Variants in KATNAL2 observed in about 807,000 individuals in gnomAD.
KATNAL2 encodes katanin catalytic subunit A1 like 2.
Under a neutral mutation model 76.3 loss-of-function variants are expected in KATNAL2, and 52 were observed. The ratio of observed to expected loss-of-function variants is 0.68; its 90% CI spans 0.55 to 0.86. The LOEUF is 0.86. KATNAL2 is among the 40% of genes least tolerant of loss of function. KATNAL2 has a pLI of 0.00. For missense variants in KATNAL2, 660 were observed against 668.9 expected, an observed-to-expected ratio of 0.99 and a Z score of 0.15; for synonymous variants, 243 against 244.2, an observed-to-expected ratio of 1.00 and a Z score of 0.05.
intron 3 of KATNAL2, chr18:46,969,815 CGCGTT>C: frequency 4.2e-6 from 1 of 238,486 alleles, no homozygotes; most frequent in East Asian, 6.1e-5. Flanking sequence ...GGGAGCGGTG[CGCGTT>C]GGAGGGTCCC....
intron 1 of KATNAL2, among the ~76,000 whole-genome samples, chr18:46,938,359 G>T (rs962406308): frequency 8.5e-5 from 13 of 152,064 alleles, no homozygotes; most frequent in Non-Finnish European, 1.8e-4. Context: ...ATGGGAATAG[G>T]ATCTGTAAAG....
Position 46,949,851 on chromosome 18 carries a change from A to C in KATNAL2, c.51+2928A>C, listed in dbSNP as rs991951020. Among the ~76,000 whole-genome samples the C allele has an allele frequency of 1.3e-5, 2 of 152,220 alleles. 1 individual carries two copies. The highest frequency in any genetic ancestry group is 1.3e-4 in the Admixed American group (2 of 15,276). On this transcript the variant is annotated intron_variant, in intron 3 of 17. Transcript: ENST00000683218. The stretch of plus-strand genomic sequence containing the variant: ...CCACATTAATAGCATCTTAGCTATT[A>C]CCCCTTGGTTTTTGCCTCTCTTCAG...
At chr18:47,059,742 C>G (rs1462874983) in intron 8 of KATNAL2, 88 bp downstream of exon 8, 3 of 985,192 alleles carry the variant, frequency 3.0e-6, no homozygotes, top group Non-Finnish European at 4.8e-6. Context: ...TTTTGTCAAA[C>G]AGGAAAGTTA....
At chr18:46,965,518 A>G (rs374040027) in intron 3 of KATNAL2, among the ~76,000 whole-genome samples, 12,792 of 112,062 alleles carry the variant, frequency 0.11, no homozygotes, top group Non-Finnish European at 0.18. Context: ...TCTGCTAGCG[A>G]GCAGATGTGA....
At chr18:46,942,738 C>A (rs1004666369) in intron 1 of KATNAL2, among the ~76,000 whole-genome samples, 4 of 152,034 alleles carry the variant, frequency 2.6e-5, no homozygotes, top group African/African-American at 9.7e-5. Flanking sequence ...AAGTCCTTGT[C>A]TGCTATTCTA....
intron 3 of KATNAL2, chr18:47,033,815 T>C: frequency 6.2e-7 from 1 of 1,614,032 alleles, no homozygotes; most frequent in Non-Finnish European, 8.5e-7. Flanking sequence ...GCCTGGGAGG[T>C]CATGGAGTCA....
rs748085371 is a variant in KATNAL2 at position 47,075,334 on chromosome 18, G to A, written c.1066G>A (p.Glu356Lys). Residue 356 changes from glutamate to lysine, a missense_variant, in exon 14 of 18, where the codon GAG (glutamate) becomes AAG (lysine). Glu to Lys is a moderately conservative substitution (Grantham distance 56, BLOSUM62 1). Coordinates refer to ENST00000683218, the MANE Select transcript of KATNAL2 (RefSeq NM_001387690.1). ...ATCCACGATCTTCCTGGACGAGCTGGAGTCGGTGATGAGTCAGAGAGGCAC... is the reference window on the plus strand; with the variant it reads ...ATCCACGATCTTCCTGGACGAGCTGAAGTCGGTGATGAGTCAGAGAGGCAC... ...APSTIFLDEL[E>K]SVMSQRGTAS... 4.5e-6 allele frequency: 7 copies of A among 1,557,506 alleles called. No homozygotes were observed. Among genetic ancestry groups the A allele is most frequent in the Admixed American group, 2.0e-5 (1 of 49,406 alleles).
At chr18:46,927,517 AT>A (rs1202073165) in intron 1 of KATNAL2, among the ~76,000 whole-genome samples, 1 of 151,680 alleles carries the variant, frequency 6.6e-6, no homozygotes, top group East Asian at 1.9e-4. Flanking sequence ...TGCCCTTAAC[AT>A]TTTTTCCTTC....
intron 1 of KATNAL2, among the ~76,000 whole-genome samples, chr18:46,919,315 C>T (rs573531965): frequency 5.3e-5 from 8 of 152,064 alleles, no homozygotes; most frequent in South Asian, 2.1e-4. Context: ...GGAGAAACCC[C>T]GTCTCCACCA....
In KATNAL2 at chr18:46,952,592, A is replaced by G. The variant is rs113684155; in HGVS notation, c.51+5669A>G. Among the ~76,000 whole-genome samples the G allele has an allele frequency of 6.5e-3, 982 of 151,790 alleles. 5 individuals carry two copies. Among genetic ancestry groups the G allele is most frequent in the African/African-American group, 0.023 (942 of 41,396 alleles). On this transcript the variant is annotated intron_variant, in intron 3 of 17. Transcript: ENST00000683218. ...CTTTTGTATTTTTAGTAGAGACGGA[A>G]GTTTAACCATATTGGTCAGGCTGAT...
intron 3 of KATNAL2, among the ~76,000 whole-genome samples, chr18:46,960,820 A>G (rs1382996858): frequency 6.6e-6 from 1 of 152,220 alleles, no homozygotes; most frequent in African/African-American, 2.4e-5. Flanking sequence ...GAAGAAACTG[A>G]TTTGCAAGTA....
chr18:47,088,463 A>G (rs1466123845), intron 15 of KATNAL2, among the ~76,000 whole-genome samples: 3 of 152,234 alleles, frequency 2.0e-5, no homozygotes, highest in Admixed American at 6.5e-5. Context: ...GTTCATAAAC[A>G]TAATTTATTT....
chr18:46,926,226 C>A, intron 1 of KATNAL2, among the ~76,000 whole-genome samples: 1 of 152,082 alleles, frequency 6.6e-6, no homozygotes, highest in East Asian at 1.9e-4. Context: ...GCATTTAGTA[C>A]TATAAATTTC....
In KATNAL2 at chr18:46,951,430, TG is replaced by T. The variant is rs2059551381; in HGVS notation, c.51+4510del. Among the ~76,000 whole-genome samples, 3 of 144,562 alleles carry T rather than the reference TG, an allele frequency of 2.1e-5. No individual in the cohort carries two copies. The Admixed American group carries it at 2.1e-4, about 10-fold the overall frequency. 94.8% of individuals were successfully genotyped at this position (144,562 alleles called of 152,430 possible). A position where few individuals can be genotyped will look rare whatever the true frequency, so the allele number is the denominator to read the frequency against. On this transcript the variant is annotated intron_variant, in intron 3 of 17. Coordinates refer to ENST00000683218, the MANE Select transcript of KATNAL2 (RefSeq NM_001387690.1). ...TCTGATTTTTTTTTTTTTTTTTTAC[TG>T]GGTGGTATCTTTTCTGGATCTCTGA...
intron 1 of KATNAL2, among the ~76,000 whole-genome samples, chr18:46,922,597 T>C (rs2058601531): frequency 6.6e-6 from 1 of 151,894 alleles, no homozygotes; most frequent in Non-Finnish European, 1.5e-5. Context: ...AGTTCGAGAC[T>C]AGCCTGACCA....
At chr18:46,961,565 T>A (rs749803165) in intron 3 of KATNAL2, among the ~76,000 whole-genome samples, 2 of 152,208 alleles carry the variant, frequency 1.3e-5, no homozygotes, top group Non-Finnish European at 2.9e-5. Context: ...ATGAGGGTTT[T>A]AAATTCTCCC....
chr18:47,031,742 G>A (rs146103902), intron 3 of KATNAL2, among the ~76,000 whole-genome samples: 1 of 152,226 alleles, frequency 6.6e-6, no homozygotes, highest in African/African-American at 2.4e-5. Context: ...GCCTCCCAAA[G>A]TGCTGAGGTA....
chr18:46,917,630 G>A lies in KATNAL2; in HGVS notation c.-806G>A, dbSNP rs369816318. ...CCGCGCGGCGACAGCGCCCGCCCGC[G>A]CCTGCCCCGGCGTGCTGCCCCGCGG... On this transcript the variant is annotated 5_prime_UTR_variant, in exon 1 of 18. Coordinates refer to ENST00000683218, the MANE Select transcript of KATNAL2 (RefSeq NM_001387690.1). 7.0e-6 allele frequency: 6 copies of A among 859,998 alleles called. No individual in the cohort carries two copies. The highest frequency in any genetic ancestry group is 5.3e-5 in the South Asian group (1 of 18,818). The allele number at this position is 859,998 out of a possible 1,614,324, so 53.3% of individuals were successfully genotyped here. A position where few individuals can be genotyped will look rare whatever the true frequency, so the allele number is the denominator to read the frequency against.
intron 10 of KATNAL2, 133 bp from the exon 11 acceptor site, chr18:47,066,888 T>TATATATATATATATATATATAAACACAC (rs11281082): frequency 3.2e-4 from 24 of 75,822 alleles, no homozygotes; most frequent in Admixed American, 5.9e-4. Flanking sequence ...TATATATATA[T>TATATATATATATATATATATAAACACAC]ATATAATATG....
Sources: gnomAD v4.1 joint callset for allele counts (sites outside exome capture counted in the v4.1 genomes callset) on GRCh38, gnomAD v4.1.1 for gene constraint, MANE v1.5 for transcripts, NCBI Gene and HGNC (gene_info 2026-07-23, HGNC 2026-07-21) for gene names.